The following EPHA6 variants were observed in gnomAD, a reference collection of about 807,000 sequenced individuals.
The protein encoded by EPHA6 is EPH receptor A6.
EPHA6 carries 50 observed loss-of-function variants against 112.0 expected under a neutral mutation model. The ratio of observed to expected loss-of-function variants is 0.45; its 90% confidence interval spans 0.36 to 0.56. EPHA6 has a LOEUF of 0.56. EPHA6 is among the 20% of genes least tolerant of loss of function. The pLI is 0.00. For synonymous variants in EPHA6, 529 were observed against 490.7 expected, an observed-to-expected ratio of 1.08 and a Z score of -1.03; for missense variants, 1,280 against 1,417.4, an observed-to-expected ratio of 0.90 and a Z score of 1.56.
chr3:97,152,801 C>A (rs2076201014), intron 3 of EPHA6, among the ~76,000 whole-genome samples: 1 of 152,096 alleles, frequency 6.6e-6, no homozygotes. Flanking sequence ...TCTTTTTCTT[C>A]TCATGTGAGA....
chr3:97,423,182 G>A (rs569085766), intron 6 of EPHA6, among the ~76,000 whole-genome samples: 1 of 152,152 alleles, frequency 6.6e-6, no homozygotes, highest in Admixed American at 6.5e-5. Flanking sequence ...AGAAATGAAA[G>A]GCATTCAAAT....
intron 4 of EPHA6, among the ~76,000 whole-genome samples, chr3:97,226,785 A>T (rs553854648): frequency 6.6e-6 from 1 of 152,364 alleles, no homozygotes; most frequent in South Asian, 2.1e-4. Flanking sequence ...ATTTTAAAGC[A>T]TATCAATTTA....
At chr3:97,083,999 A>C (rs1490655557) in intron 3 of EPHA6, among the ~76,000 whole-genome samples, 1 of 150,788 alleles carries the variant, frequency 6.6e-6, no homozygotes, top group Non-Finnish European at 1.5e-5. Context: ...GTGAGTTAGC[A>C]GATGCATGTC....
chr3:97,328,036 T>C (rs2082556035), intron 5 of EPHA6, among the ~76,000 whole-genome samples: 14 of 100,178 alleles, frequency 1.4e-4, no homozygotes, highest in African/African-American at 5.5e-4. Flanking sequence ...TATGTGTATA[T>C]ATACACACAT....
intron 11 of EPHA6, among the ~76,000 whole-genome samples, chr3:97,568,366 G>C (rs142197772): frequency 6.6e-6 from 1 of 152,258 alleles, no homozygotes; most frequent in East Asian, 1.9e-4. Flanking sequence ...ATGCAGAACA[G>C]ATAACATGAC....
chr3:96,893,803 T>C (rs62262956), intron 2 of EPHA6, among the ~76,000 whole-genome samples: 495 of 152,362 alleles, frequency 3.2e-3, no homozygotes, highest in Non-Finnish European at 4.7e-3. Flanking sequence ...AGCAAAGGTT[T>C]GACCTGTCTA....
chr3:96,873,813 A>G (rs940377212), intron 2 of EPHA6, among the ~76,000 whole-genome samples: 50 of 152,108 alleles, frequency 3.3e-4, no homozygotes, highest in Admixed American at 3.3e-3. Context: ...AACCATGTAC[A>G]TTTCTGTCCC....
intron 2 of EPHA6, among the ~76,000 whole-genome samples, chr3:96,964,385 T>C (rs1199482014): frequency 6.6e-6 from 1 of 152,180 alleles, no homozygotes; most frequent in African/African-American, 2.4e-5. Flanking sequence ...CTACTCACAT[T>C]CTTCTTTGTT....
Position 97,447,782 on chromosome 3 carries a change from G to T in EPHA6, c.1732-786G>T, listed in dbSNP as rs946602805. 15 of 1,015,016 alleles carry T rather than the reference G, an allele frequency of 1.5e-5. No homozygotes were observed. In the African/African-American group the frequency reaches 2.6e-4, roughly 17 times the overall value. The allele number at this position is 1,015,016 out of a possible 1,614,324, so 62.9% of individuals were successfully genotyped here. ...GAAGTGAGATAATTTGGCAATTCAC[G>T]CAAGAGACTGAGAACCAAGCCTCAA... On this transcript the variant is annotated intron_variant, in intron 6 of 17. Coordinates refer to ENST00000389672, the MANE Select transcript of EPHA6 (RefSeq NM_001080448.3).
chr3:97,228,307 A>G (rs1471293780), intron 4 of EPHA6, among the ~76,000 whole-genome samples: 1 of 151,726 alleles, frequency 6.6e-6, no homozygotes, highest in African/African-American at 2.4e-5. Context: ...GTCTTTTATC[A>G]CTCACTACCC....
At chr3:97,513,854 T>G (rs1408910067) in intron 10 of EPHA6, among the ~76,000 whole-genome samples, 2 of 152,068 alleles carry the variant, frequency 1.3e-5, no homozygotes, top group Non-Finnish European at 1.5e-5. Context: ...ATGTAGCAAT[T>G]AGATAAAAAA....
chr3:97,127,942 T>C (rs1559745164), intron 3 of EPHA6, among the ~76,000 whole-genome samples: 2 of 152,050 alleles, frequency 1.3e-5, no homozygotes, highest in Non-Finnish European at 2.9e-5. Context: ...ACATGAAGTC[T>C]GAGATTTTAG....
intron 16 of EPHA6, among the ~76,000 whole-genome samples, chr3:97,736,462 AGAGAGAGAGTGTGTGTGT>A (rs2035257740): frequency 6.9e-6 from 1 of 145,900 alleles, no homozygotes; most frequent in African/African-American, 2.6e-5. Flanking sequence ...AGAGAGAGAG[AGAGAGAGAGTGTGTGTGT>A]GTGTGTGTGT....
intron 3 of EPHA6, among the ~76,000 whole-genome samples, chr3:97,170,240 G>T (rs1459043870): frequency 1.3e-5 from 2 of 152,080 alleles, no homozygotes; most frequent in Non-Finnish European, 2.9e-5. Flanking sequence ...ATGGTTGAAG[G>T]CAATGAGCAA....
intron 3 of EPHA6, among the ~76,000 whole-genome samples, chr3:97,008,827 G>A (rs186183574): frequency 6.6e-6 from 1 of 152,092 alleles, no homozygotes; most frequent in East Asian, 1.9e-4. Context: ...TGATGATGAT[G>A]ATGCTGTTGT....
At chr3:96,991,956 G>A (rs1435078014) in intron 3 of EPHA6, among the ~76,000 whole-genome samples, 1 of 152,114 alleles carries the variant, frequency 6.6e-6, no homozygotes, top group Non-Finnish European at 1.5e-5. Context: ...CCTGACTGCA[G>A]GGGCAGAGAA....
At chr3:97,498,682 C>G (rs550780861) in intron 10 of EPHA6, among the ~76,000 whole-genome samples, 8 of 152,176 alleles carry the variant, frequency 5.3e-5, no homozygotes, top group Non-Finnish European at 1.2e-4. Flanking sequence ...CCTCAACCCC[C>G]AGGCTGTGGG....
chr3:97,122,459 A>G (rs1408206726), intron 3 of EPHA6, among the ~76,000 whole-genome samples: 2 of 152,036 alleles, frequency 1.3e-5, no homozygotes, highest in Non-Finnish European at 1.5e-5. Context: ...ATGGAAATCT[A>G]TTGATTTTAT....
chr3:97,430,102 TA>T (rs1247463341), intron 6 of EPHA6, among the ~76,000 whole-genome samples: 1 of 152,186 alleles, frequency 6.6e-6, no homozygotes, highest in Non-Finnish European at 1.5e-5. Context: ...GTTTTATTTA[TA>T]AATGAAATTA....
Sources: allele counts gnomAD v4.1 joint callset (sites outside exome capture counted in the v4.1 genomes callset), GRCh38; gene constraint gnomAD v4.1.1; transcripts MANE v1.5; gene names NCBI Gene and HGNC (gene_info 2026-07-23, HGNC 2026-07-21).